Variants in GTF3A observed in about 807,000 individuals in gnomAD.
The protein encoded by GTF3A is general transcription factor IIIA.
Under a neutral mutation model 37.6 loss-of-function variants are expected in GTF3A, and 40 were observed. The observed-to-expected ratio is 1.06, with a 90% CI of 0.83 to 1.38. GTF3A has a LOEUF of 1.38. GTF3A is among the 40% of genes most tolerant of loss of function. GTF3A has a pLI of 0.00. For missense variants in GTF3A, 500 were observed against 462.6 expected (o/e 1.08, Z -0.74); for synonymous variants, 191 against 166.7 (o/e 1.15, Z -1.12).
rs779015453 is a variant in GTF3A at position 27,427,090 on chromosome 13, A to G, written c.202-2A>G. ...GACATGCTTTTTCTTTTTTCCTGCTAGAGACCATTTGTTTGTGACTATGAA... is the reference window on the plus strand; with the variant it reads ...GACATGCTTTTTCTTTTTTCCTGCTGGAGACCATTTGTTTGTGACTATGAA... On this transcript the variant is annotated splice_acceptor_variant, in intron 1 of 8. Transcript: ENST00000381140. LOFTEE classifies it high-confidence loss of function. 5.4e-6 allele frequency: 8 copies of G among 1,485,448 alleles called. No homozygotes were observed. The highest frequency in any genetic ancestry group is 7.5e-6 in the Non-Finnish European group (8 of 1,063,778). The allele number at this position is 1,485,448 out of a possible 1,614,324, so 92.0% of individuals were successfully genotyped here. A position where few individuals can be genotyped will look rare whatever the true frequency, so the allele number is the denominator to read the frequency against.
At chr13:27,430,732 C>T (rs1953649624) in intron 4 of GTF3A, 111 bp downstream of exon 4, 1 of 709,220 alleles carries the variant, frequency 1.4e-6, no homozygotes, top group Non-Finnish European at 2.5e-6. Context: ...TGTATATCTT[C>T]TGAGAAATGT....
In GTF3A at chr13:27,424,854, G is replaced by T; in HGVS notation, c.117G>T (p.Arg39Ser). The T allele has an allele frequency of 6.5e-7, 1 of 1,550,358 alleles. No homozygotes were observed. The highest frequency in any genetic ancestry group is 8.7e-7 in the Non-Finnish European group (1 of 1,146,530). ...CGCCGCGCCCCGCGCTTCCCAGGAG[G>T]TTCATCTGCTCCTTCCCTGACTGCA... is the stretch of plus-strand genomic sequence containing the variant. Residue 39 changes from arginine (R) to serine (S), a missense_variant, in exon 1 of 9, where the codon AGG becomes AGT. By Grantham distance (110) the Arg-to-Ser change is moderately radical (BLOSUM62 -1). Coordinates refer to ENST00000381140, the MANE Select transcript of GTF3A (RefSeq NM_002097.3).
chr13:27,432,354 C>A (rs553111240), intron 4 of GTF3A, among the ~76,000 whole-genome samples: 2 of 152,142 alleles, frequency 1.3e-5, no homozygotes, highest in African/African-American at 4.8e-5. Flanking sequence ...TCGCACACCC[C>A]CTATGCAGCA....
At position 27,435,587 on chromosome 13, in the gene GTF3A, C is replaced by A; in HGVS notation, c.1088C>A (p.Thr363Asn). 6.2e-7 allele frequency: 1 copy of A among 1,612,654 alleles called. No homozygotes were observed. The highest frequency in any genetic ancestry group is 8.5e-7 in the Non-Finnish European group (1 of 1,178,802). The stretch of plus-strand genomic sequence containing the variant: ...ATGCTCTCGACAGTTGCAGTACTTA[C>A]CCTTGGCTAAGAACTGCACTGCTTT... Residue 363 changes from threonine (T) to asparagine (N), a missense_variant, in exon 9 of 9, where the codon ACC (threonine) becomes AAC (asparagine). By Grantham distance (65) the Thr-to-Asn change is moderately conservative. Transcript: ENST00000381140.
In GTF3A at chr13:27,434,192, C is replaced by T; in HGVS notation, c.616C>T (p.Leu206=). The change falls in exon 6 of 9, where the codon CTG becomes TTG. Residue 206 remains leucine, a synonymous_variant. Coordinates refer to ENST00000381140, the MANE Select transcript of GTF3A (RefSeq NM_002097.3). ...TGTGGCAAAAACATGGACGGAACTT[C>T]TGAAACATGTGAGAGAAACCCATAA... 7.3e-7 allele frequency: 1 copy of T among 1,371,420 alleles called. No homozygotes were observed. The highest frequency in any genetic ancestry group is 1.0e-6 in the Non-Finnish European group (1 of 958,456). The allele number at this position is 1,371,420 out of a possible 1,614,324, so 85.0% of individuals were successfully genotyped here. A position where few individuals can be genotyped will look rare whatever the true frequency, so the allele number is the denominator to read the frequency against.
chr13:27,426,794 G>T (rs1402481364), intron 1 of GTF3A, among the ~76,000 whole-genome samples: 1 of 152,154 alleles, frequency 6.6e-6, no homozygotes, highest in Non-Finnish European at 1.5e-5. Flanking sequence ...CTTTAAGAGG[G>T]GGTTGCTGTG....
intron 2 of GTF3A, among the ~76,000 whole-genome samples, chr13:27,428,771 TAC>T (rs1953630251): frequency 6.6e-6 from 1 of 152,154 alleles, no homozygotes; most frequent in Non-Finnish European, 1.5e-5. Context: ...GCGACTGAAA[TAC>T]AGAAATACAG....
intron 1 of GTF3A, chr13:27,425,557 G>A (rs1228679134): frequency 1.3e-5 from 2 of 152,622 alleles, no homozygotes; most frequent in Non-Finnish European, 2.9e-5. Context: ...GACCCTTGGG[G>A]TGGGAGGCAG....
At chr13:27,428,670 T>C (rs1418567111) in intron 2 of GTF3A, among the ~76,000 whole-genome samples, 2 of 152,030 alleles carry the variant, frequency 1.3e-5, no homozygotes, top group Non-Finnish European at 2.9e-5. Context: ...CCATACCCGG[T>C]TGGGTTAGAT....
At chr13:27,425,064 TG>T in intron 1 of GTF3A, 126 bp downstream of exon 1, 1 of 633,432 alleles carries the variant, frequency 1.6e-6, no homozygotes, top group Non-Finnish European at 2.7e-6. Flanking sequence ...ATCCAGGACT[TG>T]GGGAAGGAGC....
At chr13:27,430,118 C>A (rs1953644337) in intron 3 of GTF3A, among the ~76,000 whole-genome samples, 152 bp downstream of exon 3, 1 of 146,412 alleles carries the variant, frequency 6.8e-6, no homozygotes. Flanking sequence ...TAGTGAAATG[C>A]TGTCTCTGAA....
chr13:27,433,974 A>G (rs1326755628), intron 5 of GTF3A, among the ~76,000 whole-genome samples, 165 bp from the exon 6 acceptor site: 2 of 152,182 alleles, frequency 1.3e-5, no homozygotes, highest in African/African-American at 4.8e-5. Context: ...CAGTTTTACT[A>G]TAACATCAAT....
Position 27,424,907 on chromosome 13 carries a change from T to A in GTF3A, c.170T>A (p.Leu57His). The A allele has an allele frequency of 6.5e-7, 1 of 1,549,886 alleles. No homozygotes were observed. ...GCCAATTACAGCAAAGCCTGGAAGC[T>A]TGACGCGCACCTGTGCAAGCACACG... The change falls in exon 1 of 9, where the codon CTT (leucine) becomes CAT (histidine). Residue 57 changes from leucine to histidine, a missense_variant. Physicochemically the swap from Leu to His is moderately conservative, Grantham distance 99 (BLOSUM62 -3). Transcript: ENST00000381140.
At chr13:27,430,009 C>T (rs1953643352) in intron 3 of GTF3A, 43 bp downstream of exon 3, 2 of 1,021,718 alleles carry the variant, frequency 2.0e-6, no homozygotes, top group African/African-American at 1.6e-5. Flanking sequence ...AGTATTTTTA[C>T]ACTTACTGCC....
chr13:27,427,154 C>T lies in GTF3A; in HGVS notation c.264C>T (p.Ser88=), dbSNP rs1367917454. 6.2e-7 allele frequency: 1 copy of T among 1,604,946 alleles called. No individual in the cohort carries two copies. The highest frequency in any genetic ancestry group is 1.7e-5 in the Admixed American group (1 of 59,814). ...CCTTCATCAGGGACTACCATCTGAG[C>T]CGCCACATTCTGACTCACACAGGAG... Residue 88 remains serine (S), a synonymous_variant, in exon 2 of 9, where the codon AGC becomes AGT. Transcript: ENST00000381140.
At chr13:27,432,642 G>A in intron 4 of GTF3A, 89 bp from the exon 5 acceptor site, 3 of 1,064,482 alleles carry the variant, frequency 2.8e-6, no homozygotes, top group Non-Finnish European at 4.3e-6. Context: ...CAAGACTTTG[G>A]TGGGAGAAAC....
rs1244130639 is a variant in GTF3A, at chr13:27,434,978, G to C, written c.817G>C (p.Glu273Gln). 3 of 1,612,728 alleles carry C rather than the reference G, an allele frequency of 1.9e-6. No homozygotes were observed. Among genetic ancestry groups the C allele is most frequent in the Admixed American group, 1.7e-5 (1 of 60,024 alleles). The stretch of plus-strand genomic sequence containing the variant: ...AAGCCATATCCTCTCCTTCCATGAG[G>C]AAAGCCGCCCTTTTGTGTGTGAACA... Residue 273 changes from glutamate (E) to glutamine (Q), a missense_variant, in exon 7 of 9, where the codon GAA (glutamate) becomes CAA (glutamine). Physicochemically the swap from Glu to Gln is conservative, Grantham distance 29 (BLOSUM62 2). Coordinates refer to ENST00000381140, the MANE Select transcript of GTF3A (RefSeq NM_002097.3).
rs1226426234 is a variant in GTF3A at position 27,430,564 on chromosome 13, A to G, written c.431A>G (p.Lys144Arg). 6.2e-7 allele frequency: 1 copy of G among 1,612,292 alleles called. No homozygotes were observed. Among genetic ancestry groups the G allele is most frequent in the African/African-American group, 1.3e-5 (1 of 74,896 alleles). The stretch of plus-strand genomic sequence containing the variant: ...TTTGAAGACTGTAAGAAGACCTTTA[A>G]GAAACATCAGCAGCTGAAAATCCAT... The change falls in exon 4 of 9, where the codon AAG (lysine) becomes AGG (arginine). Residue 144 changes from lysine to arginine, a missense_variant. Lys to Arg is a conservative substitution (Grantham distance 26). Transcript: ENST00000381140.
chr13:27,424,769 T>C lies in GTF3A; in HGVS notation c.32T>C (p.Val11Ala). ...CCGCCGGCCGTGGTCGCCGAGTCGG[T>C]GTCGTCCTTGACCATCGCCGACGCG... The change falls in exon 1 of 9, where the codon GTG becomes GCG. Residue 11 changes from valine (V) to alanine (A), a missense_variant. Coordinates refer to ENST00000381140, the MANE Select transcript of GTF3A (RefSeq NM_002097.3). 6.6e-7 allele frequency: 1 copy of C among 1,517,428 alleles called. No individual in the cohort carries two copies. The highest frequency in any genetic ancestry group is 2.7e-5 in the East Asian group (1 of 37,068). The allele number at this position is 1,517,428 out of a possible 1,614,324, so 94.0% of individuals were successfully genotyped here. A position where few individuals can be genotyped will look rare whatever the true frequency, so the allele number is the denominator to read the frequency against.
Sources: allele counts gnomAD v4.1 joint callset (sites outside exome capture counted in the v4.1 genomes callset), GRCh38; gene constraint gnomAD v4.1.1; transcripts MANE v1.5; gene names NCBI Gene and HGNC (gene_info 2026-07-23, HGNC 2026-07-21).